The following CCDC3 variants were observed in gnomAD, a reference collection of about 807,000 sequenced individuals.
CCDC3 encodes coiled-coil domain-containing protein 3.
In CCDC3, 24 loss-of-function variants were observed where a neutral mutation model predicts 21.4. The observed-to-expected ratio is 1.12, with a 90% CI of 0.81 to 1.58. The LOEUF is 1.58. Ranked by LOEUF, CCDC3 falls within the 40% of genes most tolerant of loss-of-function variation. The pLI is 0.00. For missense variants in CCDC3, 425 were observed against 360.9 expected, an observed-to-expected ratio of 1.18 and a Z score of -1.44; for synonymous variants, 186 against 166.0, an observed-to-expected ratio of 1.12 and a Z score of -0.93.
chr10:13,018,953 G>A lies in CCDC3; in HGVS notation c.-1-20441C>T, dbSNP rs191544513. Among the ~76,000 whole-genome samples the A allele has an allele frequency of 2.7e-3, 412 of 151,888 alleles. 2 individuals carry two copies. The highest frequency in any genetic ancestry group is 9.6e-3 in the African/African-American group (397 of 41,480). On this transcript the variant is annotated intron_variant, in intron 5 of 6. Transcript: ENST00000378839. ...ACTCTGTCTCAAAAAAGGAAAAAAGGCCGGGCGCAGTGGCTCACGCCTGTA... is the reference window on the plus strand; with the variant it reads ...ACTCTGTCTCAAAAAAGGAAAAAAGACCGGGCGCAGTGGCTCACGCCTGTA...
Position 13,020,875 on chromosome 10 carries a change from A to G in CCDC3, c.-1-22363T>C, listed in dbSNP as rs2580881. Among the ~76,000 whole-genome samples the G allele has an allele frequency of 4.2e-3, 635 of 152,354 alleles. 7 individuals carry two copies. Among genetic ancestry groups the G allele is most frequent in the African/African-American group, 0.015 (604 of 41,580 alleles). Reference sequence around the variant, plus strand: ...AAAAAAACTTATTAAAGAAAATAAAACAAAAAATTAAAAACAATAATGAAT... The same window carrying G: ...AAAAAAACTTATTAAAGAAAATAAAGCAAAAAATTAAAAACAATAATGAAT... On this transcript the variant is annotated intron_variant, in intron 5 of 6. Transcript: ENST00000378839.
At chr10:12,905,113 A>G (rs1456495273) in intron 2 of CCDC3, among the ~76,000 whole-genome samples, 1 of 152,234 alleles carries the variant, frequency 6.6e-6, no homozygotes, top group African/African-American at 2.4e-5. Context: ...GCAACAACAC[A>G]GACAAATAGC....
chr10:12,908,199 T>C (rs7915276), intron 2 of CCDC3, among the ~76,000 whole-genome samples: 26,895 of 152,156 alleles, frequency 0.18, 3,418 homozygotes, highest in African/African-American at 0.35. Context: ...ACTCGTCTCA[T>C]TAGATGTTTA....
intron 5 of CCDC3, among the ~76,000 whole-genome samples, chr10:13,027,473 G>A (rs1377015135): frequency 6.6e-6 from 1 of 151,998 alleles, no homozygotes; most frequent in African/African-American, 2.4e-5. Context: ...ATTGCACTAA[G>A]ACACTGATTA....
At chr10:13,006,369 A>T (rs1835924733), upstream of CCDC3, among the ~76,000 whole-genome samples, 2 of 152,228 alleles carry the variant, frequency 1.3e-5, no homozygotes, top group African/African-American at 4.8e-5. Context: ...CTAGGACAGC[A>T]GCTGGAATTT....
Position 12,997,253 on chromosome 10 carries a change from A to C in CCDC3, c.549+1085T>G, listed in dbSNP as rs538430518. On this transcript the variant is annotated intron_variant, in intron 2 of 2. Transcript: ENST00000378825. ...TGGGTTCGTTAATGGAAAAAAAAAA[A>C]AAAAGTCCTTATTCCATGTGATACC... 9.2e-5 allele frequency among the ~76,000 whole-genome samples: 14 copies of C among 152,218 alleles called. No homozygotes were observed. In the East Asian group the frequency reaches 2.1e-3, roughly 23 times the overall value.
At chr10:13,028,278 C>T (rs889083658) in intron 5 of CCDC3, among the ~76,000 whole-genome samples, 1 of 152,136 alleles carries the variant, frequency 6.6e-6, no homozygotes, top group South Asian at 2.1e-4. Context: ...CACACTCCTG[C>T]CTGCCACCAT....
intron 2 of CCDC3, among the ~76,000 whole-genome samples, chr10:12,901,552 C>T (rs181925822): frequency 1.6e-4 from 25 of 152,274 alleles, no homozygotes; most frequent in African/African-American, 5.1e-4. Context: ...GGAGTACAGG[C>T]GTAAGTCACT....
Position 13,001,463 on chromosome 10 carries a change from G to C in CCDC3, c.108C>G (p.Arg36=). ...ACACGATGGTCTCGGCCAGCTCGGC[G>C]CGGCAGCCCTCGCTCAGGGGCCTCC... ...SEWRPLSEGC[R]AELAETIVYA... is the part of the protein sequence containing the mutation. Residue 36 remains arginine (R), a synonymous_variant, in exon 1 of 3, where the codon CGC becomes CGG. Coordinates refer to ENST00000378825, the MANE Select transcript of CCDC3 (RefSeq NM_031455.4). The C allele has an allele frequency of 7.0e-7, 1 of 1,431,258 alleles. No homozygotes were observed. Among genetic ancestry groups the C allele is most frequent in the Non-Finnish European group, 9.1e-7 (1 of 1,093,122 alleles). The allele number at this position is 1,431,258 out of a possible 1,614,324, so 88.7% of individuals were successfully genotyped here. A position where few individuals can be genotyped will look rare whatever the true frequency, so the allele number is the denominator to read the frequency against.
intron 2 of CCDC3, among the ~76,000 whole-genome samples, chr10:12,900,288 T>C (rs1834072059): frequency 6.6e-6 from 1 of 152,132 alleles, no homozygotes; most frequent in Non-Finnish European, 1.5e-5. Flanking sequence ...AAAAGAGGTA[T>C]TCTCCAATCT....
Position 13,016,362 on chromosome 10 carries a change from C to A in CCDC3, c.-1-17850G>T, listed in dbSNP as rs561766489. Reference sequence around the variant, plus strand: ...AAAAAAAAAAAAAAAACACAACTTTCTTTTACATTTGAATACTGTATACAG... The same window carrying A: ...AAAAAAAAAAAAAAAACACAACTTTATTTTACATTTGAATACTGTATACAG... On this transcript the variant is annotated intron_variant, in intron 5 of 6. Transcript: ENST00000378839. 6.2e-4 allele frequency among the ~76,000 whole-genome samples: 88 copies of A among 141,826 alleles called. 1 individual carries two copies. Among genetic ancestry groups the A allele is most frequent in the Middle Eastern group, 3.7e-3 (1 of 268 alleles). 93.0% of individuals were successfully genotyped at this position (141,826 alleles called of 152,430 possible). A position where few individuals can be genotyped will look rare whatever the true frequency, so the allele number is the denominator to read the frequency against.
At chr10:12,980,038 T>C (rs1276702542) in intron 2 of CCDC3, among the ~76,000 whole-genome samples, 2 of 152,314 alleles carry the variant, frequency 1.3e-5, no homozygotes, top group African/African-American at 4.8e-5. Context: ...CTAATTTTCT[T>C]AGGAGATTCT....
Position 12,908,612 on chromosome 10 carries a change from C to CTTTTT in CCDC3, c.550-9938_550-9934dup, listed in dbSNP as rs764071462. ...TTCTTGGCTAAGAACTGTGATTTTT[C>CTTTTT]TTTTTTTTTTTTTTTGAGACAGAGT... On this transcript the variant is annotated intron_variant, in intron 2 of 2. Coordinates refer to ENST00000378825, the MANE Select transcript of CCDC3 (RefSeq NM_031455.4). Among the ~76,000 whole-genome samples, 63 of 139,328 alleles carry CTTTTT rather than the reference C, an allele frequency of 4.5e-4. 1 individual carries two copies. The highest frequency in any genetic ancestry group is 1.5e-3 in the African/African-American group (55 of 37,232). The allele number at this position is 139,328 out of a possible 152,430, so 91.4% of individuals were successfully genotyped here.
chr10:13,042,786 G>A (rs958736443), intron 5 of CCDC3, among the ~76,000 whole-genome samples: 18 of 151,754 alleles, frequency 1.2e-4, no homozygotes, highest in African/African-American at 4.1e-4. Context: ...GCGGGCGCCT[G>A]TAGTCCCAGC....
intron 4 of CCDC3, among the ~76,000 whole-genome samples, chr10:13,050,506 G>A (rs1207693530): frequency 6.9e-6 from 1 of 143,950 alleles, no homozygotes; most frequent in Non-Finnish European, 1.5e-5. Context: ...TATAACCCAG[G>A]CTGGAATACA....
intron 5 of CCDC3, among the ~76,000 whole-genome samples, chr10:13,015,267 T>C (rs1354687151): frequency 6.6e-6 from 1 of 152,110 alleles, no homozygotes; most frequent in Non-Finnish European, 1.5e-5. Flanking sequence ...TACTAGACTA[T>C]ATTCTTGAGA....
intron 2 of CCDC3, among the ~76,000 whole-genome samples, chr10:12,931,699 A>G (rs958133486): frequency 6.6e-5 from 10 of 152,284 alleles, no homozygotes; most frequent in Admixed American, 3.3e-4. Context: ...AACCTCTCTA[A>G]TATTTTCTGC....
rs1027536024 is a variant in CCDC3 at position 12,908,433 on chromosome 10, G to A, written c.550-9754C>T. On this transcript the variant is annotated intron_variant, in intron 2 of 2. Transcript: ENST00000378825. ...GTGTCAAGGCTGCTCAGTTACGAGCGGTCTCCTGTGTTTCTCCCAGGGAGT... is the reference window on the plus strand; with the variant it reads ...GTGTCAAGGCTGCTCAGTTACGAGCAGTCTCCTGTGTTTCTCCCAGGGAGT... Among the ~76,000 whole-genome samples, 79 of 152,080 alleles carry A rather than the reference G, an allele frequency of 5.2e-4. 1 individual carries two copies. Among genetic ancestry groups the A allele is most frequent in the African/African-American group, 1.8e-3 (74 of 41,404 alleles).
intron 2 of CCDC3, among the ~76,000 whole-genome samples, chr10:12,944,772 A>C (rs1401428307): frequency 1.3e-5 from 2 of 152,252 alleles, no homozygotes; most frequent in African/African-American, 4.8e-5. Context: ...CTGTAGTACA[A>C]AATTTGTTAG....
Sources: allele counts gnomAD v4.1 joint callset (sites outside exome capture counted in the v4.1 genomes callset), GRCh38; gene constraint gnomAD v4.1.1; transcripts MANE v1.5; gene names NCBI Gene and HGNC (gene_info 2026-07-23, HGNC 2026-07-21).